IL1RAPL1: variants seen among roughly 807,000 people sequenced by gnomAD.
IL1RAPL1 encodes interleukin 1 receptor accessory protein like 1.
IL1RAPL1 carries 3 observed loss-of-function variants against 48.4 expected under a neutral mutation model. That is an observed-to-expected ratio of 0.06 (90% CI 0.03 to 0.16). The LOEUF is 0.16. Among genes scored for constraint, IL1RAPL1 ranks in the 10% least tolerant of loss-of-function variants. The pLI is 1.00. For missense variants in IL1RAPL1, 349 were observed against 530.6 expected, an observed-to-expected ratio of 0.66 and a Z score of 3.36; for synonymous variants, 185 against 187.7, an observed-to-expected ratio of 0.99 and a Z score of 0.12.
intron 1 of IL1RAPL1, among the ~76,000 whole-genome samples, chrX:28,631,471 G>A: frequency 8.9e-6 from 1 of 112,112 alleles, no homozygotes; most frequent in Non-Finnish European, 1.9e-5. Flanking sequence ...AAGTGCTCTA[G>A]GGTAAAGGGT....
chrX:28,985,742 C>T (rs1241861477), intron 2 of IL1RAPL1, among the ~76,000 whole-genome samples: 12 of 105,599 alleles, frequency 1.1e-4, no homozygotes, highest in African/African-American at 4.2e-4. Context: ...TCACTACAAG[C>T]TCCGCCTCCC....
chrX:29,060,844 C>G (rs1215830980), intron 2 of IL1RAPL1, among the ~76,000 whole-genome samples: 1 of 111,809 alleles, frequency 8.9e-6, no homozygotes, highest in Non-Finnish European at 1.9e-5. Context: ...TTAAATGTTA[C>G]TGCTAAAATT....
intron 5 of IL1RAPL1, among the ~76,000 whole-genome samples, chrX:29,407,921 G>A (rs1934095308): frequency 8.9e-6 from 1 of 112,142 alleles, no homozygotes; most frequent in Non-Finnish European, 1.9e-5. Context: ...TTTGCATTGT[G>A]TAACAATTTT....
chrX:29,821,340 C>T (rs1332937465), intron 6 of IL1RAPL1, among the ~76,000 whole-genome samples: 2 of 110,460 alleles, frequency 1.8e-5, no homozygotes, highest in Non-Finnish European at 3.8e-5. Flanking sequence ...GTCCCAGCTA[C>T]TCGGGAGGCT....
chrX:29,100,347 C>G (rs1377317073), intron 2 of IL1RAPL1, among the ~76,000 whole-genome samples: 1 of 112,047 alleles, frequency 8.9e-6, no homozygotes, highest in African/African-American at 3.2e-5. Flanking sequence ...GGACAGGCAG[C>G]CTTTATGGAC....
intron 3 of IL1RAPL1, among the ~76,000 whole-genome samples, chrX:29,393,231 C>T (rs1380587021): frequency 8.9e-6 from 1 of 111,915 alleles, no homozygotes; most frequent in Non-Finnish European, 1.9e-5. Context: ...ACGCCATTCT[C>T]GTGCCTCAGC....
At chrX:29,612,630 C>T (rs965050018) in intron 5 of IL1RAPL1, among the ~76,000 whole-genome samples, 1 of 111,467 alleles carries the variant, frequency 9.0e-6, no homozygotes, top group African/African-American at 3.3e-5. Context: ...CACCCATCTC[C>T]CTTCTGTAGT....
At chrX:29,523,683 G>A (rs1429503074) in intron 5 of IL1RAPL1, among the ~76,000 whole-genome samples, 1 of 111,025 alleles carries the variant, frequency 9.0e-6, no homozygotes, top group Non-Finnish European at 1.9e-5. Flanking sequence ...AATCACGTTT[G>A]AATCCAAGTT....
intron 2 of IL1RAPL1, among the ~76,000 whole-genome samples, chrX:29,059,096 G>A (rs2147431686): frequency 8.9e-6 from 1 of 112,142 alleles, no homozygotes; most frequent in South Asian, 3.8e-4. Flanking sequence ...GTGCAACTCG[G>A]TGGTGGAAGG....
intron 6 of IL1RAPL1, 133 bp from the exon 7 acceptor site, chrX:29,917,331 C>A: frequency 1.7e-6 from 1 of 582,905 alleles, no homozygotes; most frequent in Non-Finnish European, 2.7e-6. Flanking sequence ...ATTGAAAATC[C>A]CTGAAAAATT....
intron 5 of IL1RAPL1, among the ~76,000 whole-genome samples, chrX:29,525,730 T>C (rs1326773356): frequency 2.7e-5 from 3 of 111,611 alleles, no homozygotes; most frequent in Non-Finnish European, 5.6e-5. Context: ...GAAAACTCCA[T>C]GGGAAGGCTT....
chrX:29,226,353 G>A (rs1931077078), intron 2 of IL1RAPL1, among the ~76,000 whole-genome samples: 2 of 109,474 alleles, frequency 1.8e-5, no homozygotes, highest in East Asian at 5.7e-4. Context: ...GAAAAGTAGT[G>A]TTATAATGAT....
chrX:29,115,222 C>T (rs2071818761), intron 2 of IL1RAPL1, among the ~76,000 whole-genome samples: 1 of 111,678 alleles, frequency 9.0e-6, no homozygotes, highest in African/African-American at 3.3e-5. Context: ...CAGTGCATGA[C>T]AGCTTTCTGC....
chrX:28,994,229 T>A (rs764771278), intron 2 of IL1RAPL1, among the ~76,000 whole-genome samples: 6 of 111,677 alleles, frequency 5.4e-5, no homozygotes, highest in Non-Finnish European at 1.1e-4. Context: ...GGGTTTTAAC[T>A]TAAAATAAGG....
intron 3 of IL1RAPL1, among the ~76,000 whole-genome samples, chrX:29,295,593 G>T (rs1932437936): frequency 1.8e-5 from 2 of 111,851 alleles, no homozygotes; most frequent in Admixed American, 1.9e-4. Context: ...AAGAATCTTA[G>T]AAATAACGGT....
At position 29,350,194 on chromosome X, in the gene IL1RAPL1, T is replaced by TAC. The variant is rs1283223019; in HGVS notation, c.363-46063_363-46062insCA. ...CCTTGGTCTACATACTGTTATTTTA[T>TAC]ATATATATATATATATATATATATA... On this transcript the variant is annotated intron_variant, in intron 3 of 10. Coordinates refer to ENST00000378993, the MANE Select transcript of IL1RAPL1 (RefSeq NM_014271.4). 1.9e-4 allele frequency among the ~76,000 whole-genome samples: 8 copies of TAC among 43,066 alleles called. No homozygotes were observed. In the East Asian group the frequency reaches 0.019, roughly 105 times the overall value. The allele number at this position is 43,066 out of a possible 115,157, so 37.4% of individuals were successfully genotyped here. A position where few individuals can be genotyped will look rare whatever the true frequency, so the allele number is the denominator to read the frequency against.
At chrX:29,548,939 A>G (rs1384338968) in intron 5 of IL1RAPL1, among the ~76,000 whole-genome samples, 8 of 112,121 alleles carry the variant, frequency 7.1e-5, no homozygotes, top group Non-Finnish European at 1.5e-4. Flanking sequence ...AAATGTTTTT[A>G]CAAAGTTCTT....
intron 2 of IL1RAPL1, among the ~76,000 whole-genome samples, chrX:28,832,074 T>C (rs761583471): frequency 1.8e-5 from 2 of 111,459 alleles, no homozygotes; most frequent in Admixed American, 1.9e-4. Context: ...AGCAAATTCA[T>C]CACCACAAAC....
At chrX:28,644,101 GT>G (rs1030289528) in intron 1 of IL1RAPL1, among the ~76,000 whole-genome samples, 2 of 109,174 alleles carry the variant, frequency 1.8e-5, no homozygotes, top group East Asian at 5.7e-4. Flanking sequence ...CAGAAAATAA[GT>G]TTTTTTCTCC....
Sources: gnomAD v4.1 joint callset for allele counts (sites outside exome capture counted in the v4.1 genomes callset) on GRCh38, gnomAD v4.1.1 for gene constraint, MANE v1.5 for transcripts, NCBI Gene and HGNC (gene_info 2026-07-23, HGNC 2026-07-21) for gene names.